CACNA1D: variants seen among roughly 807,000 people sequenced by gnomAD.
The protein encoded by CACNA1D is voltage-dependent L-type calcium channel subunit alpha-1D.
Under a neutral mutation model 257.1 loss-of-function variants are expected in CACNA1D, and 55 were observed. That is an observed-to-expected ratio of 0.21 (90% confidence interval 0.17 to 0.27). The LOEUF is 0.27. CACNA1D is among the 10% of genes least tolerant of loss of function. The pLI is 1.00. For synonymous variants in CACNA1D, 980 were observed against 1,014.9 expected (o/e 0.97, Z 0.65); for missense variants, 1,876 against 2,784.0 (o/e 0.67, Z 7.34).
intron 11 of CACNA1D, 53 bp downstream of exon 11, chr3:53,719,834 T>A: frequency 6.6e-7 from 1 of 1,525,032 alleles, no homozygotes; most frequent in Non-Finnish European, 9.1e-7. Flanking sequence ...CTTTGTATGT[T>A]CTCACTTCTG....
In CACNA1D at chr3:53,731,683, ATGG is replaced by A. The variant is rs1475319290; in HGVS notation, c.2407-332_2407-330del. Among the ~76,000 whole-genome samples, 10 of 152,346 alleles carry A rather than the reference ATGG, an allele frequency of 6.6e-5. No homozygotes were observed. In the East Asian group the frequency reaches 1.9e-3, roughly 29 times the overall value. On this transcript the variant is annotated intron_variant, in intron 17 of 47. Coordinates refer to ENST00000350061, the MANE Select transcript of CACNA1D (RefSeq NM_001128840.3). Reference sequence around the variant, plus strand: ...ATGAAGAAGACAGGTCCCTGCCTTCATGGGGCTCACAGTCTGGCAGGAAGACAG... The same window carrying A: ...ATGAAGAAGACAGGTCCCTGCCTTCAGGCTCACAGTCTGGCAGGAAGACAG...
At chr3:53,688,900 A>C (rs1432510169) in intron 8 of CACNA1D, among the ~76,000 whole-genome samples, 2 of 152,080 alleles carry the variant, frequency 1.3e-5, no homozygotes, top group Non-Finnish European at 2.9e-5. Flanking sequence ...AGAGTACACC[A>C]CCTGCTGAGA....
chr3:53,746,012 G>C, intron 25 of CACNA1D, 137 bp downstream of exon 25: 1 of 724,834 alleles, frequency 1.4e-6, no homozygotes, highest in Non-Finnish European at 2.5e-6. Flanking sequence ...GTAGATAGAT[G>C]GTGTTTGTTT....
At chr3:53,749,030 T>G in intron 26 of CACNA1D, 1 of 644,618 alleles carries the variant, frequency 1.6e-6, no homozygotes, top group East Asian at 2.8e-5. Context: ...TCTTTTGATT[T>G]TCAGTTCCTC....
chr3:53,591,182 A>G (rs1035823800), intron 3 of CACNA1D, among the ~76,000 whole-genome samples: 3 of 152,058 alleles, frequency 2.0e-5, no homozygotes, highest in Admixed American at 1.3e-4. Flanking sequence ...CTCTGTCTGG[A>G]ATACTCTAAT....
intron 29 of CACNA1D, among the ~76,000 whole-genome samples, chr3:53,758,547 G>A (rs2095280919): frequency 6.6e-6 from 1 of 152,214 alleles, no homozygotes; most frequent in African/African-American, 2.4e-5. Flanking sequence ...TCCAGCAGGA[G>A]ACAAACATTG....
intron 15 of CACNA1D, 142 bp downstream of exon 15, chr3:53,727,141 G>A: frequency 1.0e-6 from 1 of 985,958 alleles, no homozygotes; most frequent in East Asian, 2.4e-5. Flanking sequence ...CTCAATATCT[G>A]CTTTTCTTCC....
intron 8 of CACNA1D, among the ~76,000 whole-genome samples, chr3:53,686,397 A>G (rs1332412140): frequency 6.6e-6 from 1 of 152,122 alleles, no homozygotes; most frequent in Non-Finnish European, 1.5e-5. Flanking sequence ...TTACAAAGAC[A>G]TAATAAGCAC....
At chr3:53,595,189 G>C (rs1186175318) in intron 3 of CACNA1D, among the ~76,000 whole-genome samples, 2 of 152,176 alleles carry the variant, frequency 1.3e-5, no homozygotes, top group Admixed American at 1.3e-4. Flanking sequence ...CTTTGTATCT[G>C]TAGTCCCCCT....
chr3:53,732,361 A>C (rs2095003560), intron 18 of CACNA1D, among the ~76,000 whole-genome samples: 1 of 152,186 alleles, frequency 6.6e-6, no homozygotes, highest in Non-Finnish European at 1.5e-5. Context: ...GTTAGCGCTC[A>C]CCTGACACTT....
In CACNA1D at chr3:53,800,993, T is replaced by C; in HGVS notation, c.5041-65T>C. The C allele has an allele frequency of 6.4e-7, 1 of 1,553,592 alleles. No homozygotes were observed. Among genetic ancestry groups the C allele is most frequent in the Non-Finnish European group, 8.9e-7 (1 of 1,125,842 alleles). On this transcript the variant is annotated intron_variant, in intron 41 of 47. Transcript: ENST00000350061. The surrounding 1 kb of genome is among the most constrained non-coding windows in gnomAD (Gnocchi z 4.3). ...TGTTTTTCATGTAGAAAAAGTTACC[T>C]AACATAGCTAGTCTGCATCAAATAC...
At chr3:53,809,898 G>T (rs914541493) in intron 46 of CACNA1D, 80 bp from the exon 47 acceptor site, 1 of 1,349,198 alleles carries the variant, frequency 7.4e-7, no homozygotes, top group East Asian at 2.3e-5. Context: ...CGCAGCGCCG[G>T]TGCTTGGTCT....
intron 19 of CACNA1D, among the ~76,000 whole-genome samples, chr3:53,734,891 C>T (rs762206697): frequency 1.2e-4 from 19 of 152,208 alleles, no homozygotes; most frequent in Non-Finnish European, 2.2e-4. Context: ...ACCTGCAAGA[C>T]AAGCCTGGGA....
Position 53,723,226 on chromosome 3 carries a change from A to G in CACNA1D, c.1667-208A>G, listed in dbSNP as rs75537948. On this transcript the variant is annotated intron_variant, in intron 12 of 47. Transcript: ENST00000350061. This position sits in a 1 kb window ranked among gnomAD's most constrained non-coding sequence, Gnocchi z 5.6. ...AAGTAACTTCTCCAGAGTCACACAC[A>G]TAGCTAGTAGCAGAAGCAGGACCAG... Among the ~76,000 whole-genome samples, 2,214 of 152,240 alleles carry G rather than the reference A, an allele frequency of 0.015. 62 individuals carry two copies. The highest frequency in any genetic ancestry group is 0.049 in the African/African-American group (2,023 of 41,516).
At chr3:53,510,743 G>A (rs1022510869) in intron 3 of CACNA1D, among the ~76,000 whole-genome samples, 1 of 152,114 alleles carries the variant, frequency 6.6e-6, no homozygotes, top group Non-Finnish European at 1.5e-5. Flanking sequence ...ATCTTAGGCT[G>A]TACAAAAGGA....
At chr3:53,572,490 C>G (rs527574348) in intron 3 of CACNA1D, among the ~76,000 whole-genome samples, 1 of 152,068 alleles carries the variant, frequency 6.6e-6, no homozygotes, top group African/African-American at 2.4e-5. Flanking sequence ...GTCTCGACCT[C>G]CTAGGCTCAA....
In CACNA1D at chr3:53,801,302, A is replaced by G. The variant is rs778428518; in HGVS notation, c.5285A>G (p.Asn1762Ser). The G allele has an allele frequency of 3.1e-6, 5 of 1,614,170 alleles. No homozygotes were observed. Among genetic ancestry groups the G allele is most frequent in the African/African-American group, 1.3e-5 (1 of 75,046 alleles). The change falls in exon 42 of 48, where the codon AAT (asparagine) becomes AGT (serine). Residue 1762 changes from asparagine to serine, a missense_variant. This residue lies in a region of CACNA1D where 491 missense variants were observed against 554.3 expected (regional missense o/e 0.89). Transcript: ENST00000350061. ...TSTNANLNNA[N>S]MSKAAHGKRP... ...ACAAATGCCAATCTCAATAATGCCA[A>G]TATGTCCAAAGCTGCCCATGGAAAG... is the stretch of plus-strand genomic sequence containing the variant.
chr3:53,795,035 G>A (rs546833746), intron 40 of CACNA1D, among the ~76,000 whole-genome samples: 1 of 152,320 alleles, frequency 6.6e-6, no homozygotes, highest in African/African-American at 2.4e-5. Context: ...CCCCTTCCCA[G>A]TCTCAGCCCA....
At chr3:53,688,149 T>C (rs2094489546) in intron 8 of CACNA1D, among the ~76,000 whole-genome samples, 1 of 152,220 alleles carries the variant, frequency 6.6e-6, no homozygotes, top group South Asian at 2.1e-4. Flanking sequence ...TAGAGCCTTA[T>C]TCATAGTAGC....
Sources: allele counts gnomAD v4.1 joint callset (sites outside exome capture counted in the v4.1 genomes callset), GRCh38; gene constraint gnomAD v4.1.1; regional missense constraint gnomAD v4.1.1; non-coding constraint Gnocchi (gnomAD v3.1); transcripts MANE v1.5; gene names NCBI Gene and HGNC (gene_info 2026-07-23, HGNC 2026-07-21).